DOCK1: variants seen among roughly 807,000 people sequenced by gnomAD.
DOCK1 encodes dedicator of cytokinesis 1.
A neutral mutation model predicts 262.7 loss-of-function variants in DOCK1; 138 were observed. The ratio of observed to expected loss-of-function variants is 0.53; its 90% confidence interval spans 0.46 to 0.61. The LOEUF is 0.61. Among genes scored for constraint, DOCK1 ranks in the 20% least tolerant of loss-of-function variants. The pLI is 0.00. For synonymous variants in DOCK1, 866 were observed against 867.4 expected (o/e 1.00, Z 0.03); for missense variants, 1,908 against 2,370.7 (o/e 0.80, Z 4.05).
At chr10:127,236,842 C>T (rs924870385) in intron 27 of DOCK1, among the ~76,000 whole-genome samples, 6 of 152,070 alleles carry the variant, frequency 3.9e-5, no homozygotes, top group Admixed American at 3.3e-4. Flanking sequence ...TCCTTAAATA[C>T]ATATCTAATT....
chr10:127,008,713 G>A lies in DOCK1; in HGVS notation c.986-19G>A, dbSNP rs747635970. 6.4e-7 allele frequency: 1 copy of A among 1,570,842 alleles called. No individual in the cohort carries two copies. The highest frequency in any genetic ancestry group is 1.8e-5 in the Admixed American group (1 of 54,066). On this transcript the variant is annotated intron_variant, in intron 10 of 51. Coordinates refer to ENST00000623213, the MANE Select transcript of DOCK1 (RefSeq NM_001290223.2). ...TAGCATTTAAGCCAAAACAATCTCTGTTCTCTTTTTGTCTCCAGTGATGGA... is the reference window on the plus strand; with the variant it reads ...TAGCATTTAAGCCAAAACAATCTCTATTCTCTTTTTGTCTCCAGTGATGGA...
chr10:127,281,177 G>A (rs2060949899), intron 29 of DOCK1, among the ~76,000 whole-genome samples: 1 of 152,158 alleles, frequency 6.6e-6, no homozygotes, highest in Non-Finnish European at 1.5e-5. Context: ...AAGTGGATTT[G>A]TTTAACATCC....
chr10:127,380,647 G>C (rs2065776110), intron 36 of DOCK1, among the ~76,000 whole-genome samples: 1 of 152,166 alleles, frequency 6.6e-6, no homozygotes, highest in Admixed American at 6.5e-5. Context: ...GTGAGGGACT[G>C]TGATTGAGCC....
intron 27 of DOCK1, among the ~76,000 whole-genome samples, chr10:127,139,552 A>G (rs1015320078): frequency 1.3e-5 from 2 of 152,182 alleles, no homozygotes; most frequent in African/African-American, 4.8e-5. Flanking sequence ...AATCCAGACT[A>G]CGTGATGATG....
chr10:127,177,633 C>A (rs918541547), intron 27 of DOCK1, among the ~76,000 whole-genome samples: 1 of 152,188 alleles, frequency 6.6e-6, no homozygotes, highest in African/African-American at 2.4e-5. Flanking sequence ...AAACAGACTT[C>A]GTCCACATTG....
intron 29 of DOCK1, among the ~76,000 whole-genome samples, chr10:127,332,698 A>G (rs150714253): frequency 7.7e-4 from 117 of 152,252 alleles, no homozygotes; most frequent in African/African-American, 2.7e-3. Flanking sequence ...TGCCCTTGTG[A>G]TACTGGGGGA....
intron 27 of DOCK1, among the ~76,000 whole-genome samples, chr10:127,159,841 G>T (rs1056344419): frequency 2.0e-5 from 3 of 152,122 alleles, no homozygotes; most frequent in African/African-American, 7.2e-5. Context: ...CCTGAGAGCC[G>T]CACCATGGCC....
intron 29 of DOCK1, among the ~76,000 whole-genome samples, chr10:127,285,957 C>G (rs781606047): frequency 2.0e-5 from 3 of 152,184 alleles, no homozygotes; most frequent in Admixed American, 6.5e-5. Flanking sequence ...TGGCTCCCCA[C>G]TTTCAAATCA....
At chr10:127,193,484 T>C (rs1353202396) in intron 27 of DOCK1, among the ~76,000 whole-genome samples, 1 of 152,152 alleles carries the variant, frequency 6.6e-6, no homozygotes. Context: ...CATTTCTGTA[T>C]CATGAGTCTC....
At chr10:127,048,317 A>C (rs548281649) in intron 21 of DOCK1, among the ~76,000 whole-genome samples, 2 of 150,838 alleles carry the variant, frequency 1.3e-5, no homozygotes, top group East Asian at 4.0e-4. Context: ...GTCTGTTCAA[A>C]TCTCTTTTTC....
chr10:127,167,795 A>T lies in DOCK1; in HGVS notation c.2847+40031A>T, dbSNP rs2054216425. Among the ~76,000 whole-genome samples, 7 of 151,894 alleles carry T rather than the reference A, an allele frequency of 4.6e-5. No homozygotes were observed. In the South Asian group the frequency reaches 1.5e-3, roughly 32 times the overall value. ...CACCAAGACAAAGCTTCATGTCTCC[A>T]TTTAGTGATCCTCACCACCACCCCC... On this transcript the variant is annotated intron_variant, in intron 27 of 51. Transcript: ENST00000623213.
At position 127,140,314 on chromosome 10, in the gene DOCK1, A is replaced by G. The variant is rs556257287; in HGVS notation, c.2847+12550A>G. ...TGACTCGACTTTATCTGTCGAGTTG[A>G]TTCCTGTTTGCACTCCCCATTATGC... On this transcript the variant is annotated intron_variant, in intron 27 of 51. Coordinates refer to ENST00000623213, the MANE Select transcript of DOCK1 (RefSeq NM_001290223.2). Among the ~76,000 whole-genome samples, 18 of 152,294 alleles carry G rather than the reference A, an allele frequency of 1.2e-4. No homozygotes were observed. In the South Asian group the frequency reaches 3.7e-3, roughly 32 times the overall value.
chr10:127,157,438 T>C (rs1264999374), intron 27 of DOCK1, among the ~76,000 whole-genome samples: 1 of 152,254 alleles, frequency 6.6e-6, no homozygotes, highest in Non-Finnish European at 1.5e-5. Flanking sequence ...GGGAAGCCAC[T>C]ATAGTTTTTC....
chr10:127,328,581 GCAAGGACGGCAGGGACGC>G (rs1159580732), intron 29 of DOCK1, among the ~76,000 whole-genome samples: 4 of 152,094 alleles, frequency 2.6e-5, no homozygotes, highest in African/African-American at 9.7e-5. Context: ...GCCAGGGACA[GCAAGGACGGCAGGGACGC>G]CAGGGACGGC....
chr10:126,984,837 C>G (rs571511658), intron 4 of DOCK1, among the ~76,000 whole-genome samples: 1 of 152,102 alleles, frequency 6.6e-6, no homozygotes, highest in African/African-American at 2.4e-5. Flanking sequence ...CTACTCTCAG[C>G]AATTTCGAGT....
intron 23 of DOCK1, among the ~76,000 whole-genome samples, chr10:127,075,169 CAAAAAAAAAAAAAAAAAAAA>C (rs71032536): frequency 4.7e-5 from 3 of 64,322 alleles, no homozygotes; most frequent in Admixed American, 4.5e-4. Context: ...AACTCTGTCT[CAAAAAAAAAAAAAAAAAAAA>C]AAAAAAAAAA....
At chr10:126,949,605 G>T (rs1446335784) in intron 1 of DOCK1, among the ~76,000 whole-genome samples, 1 of 152,134 alleles carries the variant, frequency 6.6e-6, no homozygotes, top group African/African-American at 2.4e-5. Flanking sequence ...AGAGCATCGG[G>T]TGTTGAATGT....
intron 27 of DOCK1, among the ~76,000 whole-genome samples, chr10:127,247,323 T>C (rs1184832969): frequency 3.3e-5 from 5 of 152,158 alleles, no homozygotes; most frequent in African/African-American, 1.2e-4. Flanking sequence ...CTTGACATTC[T>C]GATGAGCCCA....
intron 16 of DOCK1, 63 bp downstream of exon 16, chr10:127,026,487 G>A: frequency 6.9e-7 from 1 of 1,454,164 alleles, no homozygotes; most frequent in Non-Finnish European, 9.4e-7. Context: ...GAAAGCGCGA[G>A]AGGCCACTCT....
Sources: gnomAD v4.1 joint callset for allele counts (sites outside exome capture counted in the v4.1 genomes callset) on GRCh38, gnomAD v4.1.1 for gene constraint, MANE v1.5 for transcripts, NCBI Gene and HGNC (gene_info 2026-07-23, HGNC 2026-07-21) for gene names.